MTHFD2L: variants seen among roughly 807,000 people sequenced by gnomAD.
The protein encoded by MTHFD2L is bifunctional methylenetetrahydrofolate dehydrogenase/cyclohydrolase 2, mitochondrial.
Under a neutral mutation model 34.9 loss-of-function variants are expected in MTHFD2L, and 29 were observed. The observed-to-expected ratio is 0.83, with a 90% confidence interval of 0.62 to 1.13. The LOEUF is 1.13. Ranked by LOEUF, MTHFD2L falls within the 50% of genes most tolerant of loss-of-function variation. The pLI is 0.00. For synonymous variants in MTHFD2L, 167 were observed against 155.7 expected (o/e 1.07, Z -0.54); for missense variants, 481 against 446.5 (o/e 1.08, Z -0.70).
At chr4:74,215,885 C>T (rs1161537938) in intron 5 of MTHFD2L, among the ~76,000 whole-genome samples, 2 of 150,882 alleles carry the variant, frequency 1.3e-5, no homozygotes, top group South Asian at 2.1e-4. Flanking sequence ...GCTGAATGTA[C>T]GTTTGGTGAA....
chr4:74,122,782 G>A (rs1012668395), upstream of MTHFD2L, among the ~76,000 whole-genome samples: 5 of 152,058 alleles, frequency 3.3e-5, no homozygotes, highest in Non-Finnish European at 7.4e-5. Flanking sequence ...AACGGTAAAG[G>A]ATATTATTGG....
chr4:74,255,186 T>A (rs1053290252), intron 6 of MTHFD2L, among the ~76,000 whole-genome samples: 50 of 117,000 alleles, frequency 4.3e-4, no homozygotes, highest in Non-Finnish European at 6.2e-4. Context: ...GTATACAGTA[T>A]AAAAAAATGT....
At chr4:74,147,952 C>G (rs1723696317) in intron 1 of MTHFD2L, among the ~76,000 whole-genome samples, 1 of 151,802 alleles carries the variant, frequency 6.6e-6, no homozygotes, top group South Asian at 2.1e-4. Flanking sequence ...TTTTCCTGTT[C>G]TCTTGATTGC....
intron 1 of MTHFD2L, among the ~76,000 whole-genome samples, chr4:74,148,298 G>A (rs1434313828): frequency 8.5e-6 from 1 of 117,988 alleles, no homozygotes. Context: ...TTTCATGATG[G>A]TTTTGGCTAT....
chr4:74,151,392 G>A (rs779878228), intron 1 of MTHFD2L, among the ~76,000 whole-genome samples: 1 of 152,194 alleles, frequency 6.6e-6, no homozygotes, highest in Non-Finnish European at 1.5e-5. Flanking sequence ...ACATTGGGAT[G>A]AGTTCTCTGT....
intron 1 of MTHFD2L, among the ~76,000 whole-genome samples, chr4:74,168,206 G>A (rs988966122): frequency 3.3e-5 from 5 of 152,180 alleles, no homozygotes; most frequent in Non-Finnish European, 5.9e-5. Context: ...GGCCTGCAGG[G>A]CCTTATATAA....
At chr4:74,180,353 G>A (rs1729897616) in intron 3 of MTHFD2L, among the ~76,000 whole-genome samples, 1 of 151,880 alleles carries the variant, frequency 6.6e-6, no homozygotes, top group African/African-American at 2.4e-5. Context: ...TAAACAATAA[G>A]CAAATGAAAA....
At chr4:74,184,859 C>A (rs1730846629) in intron 3 of MTHFD2L, among the ~76,000 whole-genome samples, 2 of 151,888 alleles carry the variant, frequency 1.3e-5, no homozygotes, top group Admixed American at 1.3e-4. Flanking sequence ...GTAACAAAAC[C>A]TTCTGGAAGG....
chr4:74,284,382 T>G (rs1578718551), intron 7 of MTHFD2L, among the ~76,000 whole-genome samples: 2 of 152,200 alleles, frequency 1.3e-5, no homozygotes, highest in East Asian at 1.9e-4. Flanking sequence ...CTAACTGGTG[T>G]GAGATGGTAT....
At chr4:74,130,422 G>A (rs1420928323) in intron 1 of MTHFD2L, among the ~76,000 whole-genome samples, 1 of 152,106 alleles carries the variant, frequency 6.6e-6, no homozygotes, top group Non-Finnish European at 1.5e-5. Context: ...GAGATGCAAG[G>A]CTGGTTCAAG....
At chr4:74,171,656 A>T (rs1413755005) in intron 1 of MTHFD2L, among the ~76,000 whole-genome samples, 1 of 152,078 alleles carries the variant, frequency 6.6e-6, no homozygotes, top group Non-Finnish European at 1.5e-5. Flanking sequence ...TACAAAAATT[A>T]GTCAGGCATG....
intron 1 of MTHFD2L, among the ~76,000 whole-genome samples, chr4:74,172,734 T>C (rs1728268111): frequency 1.3e-5 from 2 of 152,194 alleles, no homozygotes; most frequent in African/African-American, 4.8e-5. Context: ...CAGTTTTTGA[T>C]GTGTGTATCC....
intron 3 of MTHFD2L, among the ~76,000 whole-genome samples, chr4:74,187,642 T>C (rs1018436291): frequency 1.3e-5 from 2 of 152,014 alleles, no homozygotes; most frequent in African/African-American, 4.8e-5. Context: ...TGTGGAGGGA[T>C]AGTAACCATC....
intron 5 of MTHFD2L, among the ~76,000 whole-genome samples, chr4:74,214,294 G>A (rs1022075248): frequency 2.0e-5 from 3 of 151,692 alleles, no homozygotes; most frequent in African/African-American, 7.3e-5. Flanking sequence ...GAGGCGTTCT[G>A]GTTTTTGGAA....
chr4:74,169,482 A>G (rs1427902914), intron 1 of MTHFD2L, among the ~76,000 whole-genome samples: 5 of 152,242 alleles, frequency 3.3e-5, no homozygotes, highest in Admixed American at 1.3e-4. Context: ...CTCACATGCT[A>G]TAAAATGCAA....
chr4:74,163,658 T>C (rs1221011810), intron 1 of MTHFD2L, among the ~76,000 whole-genome samples: 1 of 152,236 alleles, frequency 6.6e-6, no homozygotes, highest in African/African-American at 2.4e-5. Flanking sequence ...TATTCATTTA[T>C]TTTAATAACA....
At chr4:74,179,670 A>G (rs1729746789) in intron 3 of MTHFD2L, among the ~76,000 whole-genome samples, 1 of 152,116 alleles carries the variant, frequency 6.6e-6, no homozygotes, top group Admixed American at 6.6e-5. Context: ...TTGGGAACAT[A>G]TAGTTTGTTA....
chr4:74,162,822 C>G (rs1470403940), intron 1 of MTHFD2L, among the ~76,000 whole-genome samples: 2 of 152,176 alleles, frequency 1.3e-5, no homozygotes, highest in Non-Finnish European at 2.9e-5. Flanking sequence ...CCCACATCAT[C>G]TTTCCGGTGT....
intron 7 of MTHFD2L, among the ~76,000 whole-genome samples, chr4:74,288,128 T>A (rs899548603): frequency 6.6e-6 from 1 of 152,222 alleles, no homozygotes; most frequent in African/African-American, 2.4e-5. Flanking sequence ...AACTTAATTT[T>A]ATTTTTAAAG....
Sources: allele counts gnomAD v4.1 joint callset (sites outside exome capture counted in the v4.1 genomes callset), GRCh38; gene constraint gnomAD v4.1.1; transcripts MANE v1.5; gene names NCBI Gene and HGNC (gene_info 2026-07-23, HGNC 2026-07-21).